The following GARNL3 variants were observed in gnomAD, a reference collection of about 807,000 sequenced individuals.
The protein encoded by GARNL3 is GTPase activating Rap/RanGAP domain like 3.
GARNL3 carries 63 observed loss-of-function variants against 125.0 expected under a neutral mutation model. That is an observed-to-expected ratio of 0.50 (90% confidence interval 0.41 to 0.62). The LOEUF is 0.62. Ranked by LOEUF, GARNL3 falls within the 20% of genes least tolerant of loss-of-function variation. The pLI is 0.00. For missense variants in GARNL3, 994 were observed against 1,244.0 expected (o/e 0.80, Z 3.02); for synonymous variants, 439 against 457.5 (o/e 0.96, Z 0.52).
In GARNL3 at chr9:127,393,266, C is replaced by A. The variant is rs1398425883; in HGVS notation, c.*12C>A. 6.3e-7 allele frequency: 1 copy of A among 1,593,070 alleles called. No individual in the cohort carries two copies. Among genetic ancestry groups the A allele is most frequent in the South Asian group, 1.1e-5 (1 of 90,560 alleles). On this transcript the variant is annotated 3_prime_UTR_variant, in exon 28 of 28. Coordinates refer to ENST00000373387, the MANE Select transcript of GARNL3 (RefSeq NM_032293.5). ...TAGACTTGAAGTAACAGAGTTGAAT[C>A]TCATTTGCCATCTTTAGTTTTCTTA...
intron 9 of GARNL3, among the ~76,000 whole-genome samples, chr9:127,334,111 G>C (rs1829417818): frequency 6.6e-6 from 1 of 152,166 alleles, no homozygotes; most frequent in African/African-American, 2.4e-5. Flanking sequence ...TTTCTGCCCT[G>C]GGTAGCTGGG....
Position 127,265,031 on chromosome 9 carries a change from T to C in GARNL3, c.144+10T>C, listed in dbSNP as rs370818986. The C allele has an allele frequency of 2.9e-5, 47 of 1,610,780 alleles. No individual in the cohort carries two copies. Among genetic ancestry groups the C allele is most frequent in the Non-Finnish European group, 3.9e-5 (46 of 1,178,096 alleles). The stretch of plus-strand genomic sequence containing the variant: ...TGGATCTGTGGAGCTGGTAAGTTTA[T>C]GCTGTCTGTTCAGTGGTAGTACATT... On this transcript the variant is annotated intron_variant, in intron 1 of 27. Transcript: ENST00000373387.
intron 17 of GARNL3, among the ~76,000 whole-genome samples, chr9:127,349,339 C>G (rs113638611): frequency 6.6e-6 from 1 of 151,846 alleles, no homozygotes. Flanking sequence ...ATCACTCCAA[C>G]ATTTTACTTT....
intron 7 of GARNL3, among the ~76,000 whole-genome samples, chr9:127,331,889 C>T (rs1829280301): frequency 6.6e-6 from 1 of 151,920 alleles, no homozygotes; most frequent in African/African-American, 2.4e-5. Flanking sequence ...TTACAACGAA[C>T]TCTTCTTCGC....
chr9:127,298,623 A>G (rs557707014), intron 2 of GARNL3, among the ~76,000 whole-genome samples: 24 of 152,322 alleles, frequency 1.6e-4, no homozygotes, highest in Non-Finnish European at 2.9e-4. Flanking sequence ...TAATATTGTA[A>G]TGAACACCTT....
At chr9:127,335,173 G>A in intron 9 of GARNL3, 57 bp from the exon 10 acceptor site, 1 of 1,177,640 alleles carries the variant, frequency 8.5e-7, no homozygotes, top group Non-Finnish European at 1.3e-6. Context: ...AAATGAAAAT[G>A]CTTTCCTTTT....
chr9:127,371,726 CATA>C (rs747982451), intron 22 of GARNL3, among the ~76,000 whole-genome samples: 2 of 152,092 alleles, frequency 1.3e-5, no homozygotes, highest in African/African-American at 2.4e-5. Context: ...AAGTGAGTCA[CATA>C]ATAACATATC....
Position 127,355,350 on chromosome 9 carries a change from G to A in GARNL3, c.1813G>A (p.Val605Ile), listed in dbSNP as rs1830632180. 1.2e-6 allele frequency: 2 copies of A among 1,614,210 alleles called. No individual in the cohort carries two copies. Among genetic ancestry groups the A allele is most frequent in the Non-Finnish European group, 8.5e-7 (1 of 1,180,034 alleles). Residue 605 changes from valine (V) to isoleucine (I), a missense_variant, in exon 20 of 28, where the codon GTT becomes ATT. This residue lies in a region of GARNL3 where 728 missense variants were observed against 865.7 expected (regional missense o/e 0.84). Coordinates refer to ENST00000373387, the MANE Select transcript of GARNL3 (RefSeq NM_032293.5). Reference protein sequence around the residue: ...THHSRELRIVVAIRNKLLLIT... With the variant: ...THHSRELRIVIAIRNKLLLIT... The stretch of plus-strand genomic sequence containing the variant: ...CCACAGCAGAGAGCTGAGGATTGTG[G>A]TTGCAATTCGGAATAAACTGCTTCT...
chr9:127,393,041 G>A lies in GARNL3; in HGVS notation c.2871-42G>A, dbSNP rs759130607. The A allele has an allele frequency of 2.0e-6, 3 of 1,512,360 alleles. No homozygotes were observed. In the Admixed American group the frequency reaches 5.7e-5, roughly 29 times the overall value. 93.7% of individuals were successfully genotyped at this position (1,512,360 alleles called of 1,614,324 possible). On this transcript the variant is annotated intron_variant, in intron 27 of 27. Coordinates refer to ENST00000373387, the MANE Select transcript of GARNL3 (RefSeq NM_032293.5). ...CAGAAAAAAATAGGCCCAGTTCTGT[G>A]GTACTCCCAAAGATCCTCTTACAGT... is the stretch of plus-strand genomic sequence containing the variant.
At chr9:127,358,049 CT>C in intron 21 of GARNL3, among the ~76,000 whole-genome samples, 1 of 152,312 alleles carries the variant, frequency 6.6e-6, no homozygotes, top group South Asian at 2.1e-4. Flanking sequence ...GTCTACACCC[CT>C]GGCCTGATGC....
intron 7 of GARNL3, among the ~76,000 whole-genome samples, chr9:127,328,138 G>C (rs937519955): frequency 1.3e-5 from 2 of 152,126 alleles, no homozygotes; most frequent in East Asian, 3.8e-4. Flanking sequence ...ACTGTTCATT[G>C]CATCCTCCTC....
chr9:127,311,701 C>T lies in GARNL3; in HGVS notation c.285C>T (p.His95=). ...TDVHLENPEY[H]TRWYFKYFLG... is the part of the protein sequence containing the mutation. The stretch of plus-strand genomic sequence containing the variant: ...TGCACTTAGAGAACCCAGAATACCA[C>T]ACCAGATGGTATTTCAAATATTTTT... The change falls in exon 3 of 28, where the codon CAC becomes CAT. Residue 95 remains histidine, a synonymous_variant. Coordinates refer to ENST00000373387, the MANE Select transcript of GARNL3 (RefSeq NM_032293.5). 6.2e-7 allele frequency: 1 copy of T among 1,612,380 alleles called. No homozygotes were observed.
Position 127,242,192 on chromosome 9 carries a change from G to A in GARNL3, c.-28-887G>A, listed in dbSNP as rs971403225. Among the ~76,000 whole-genome samples, 4 of 151,870 alleles carry A rather than the reference G, an allele frequency of 2.6e-5. No individual in the cohort carries two copies. Among genetic ancestry groups the A allele is most frequent in the Non-Finnish European group, 4.4e-5 (3 of 67,994 alleles). On this transcript the variant is annotated intron_variant, in intron 1 of 10. Coordinates refer to the GARNL3 transcript ENST00000439286. This position sits in a 1 kb window ranked among gnomAD's most constrained non-coding sequence, Gnocchi z 4.6. ...TTCTTTCTTTTTTAAATTCACTCGC[G>A]ACTCCAGCCAGAGATGTCACGTTTC...
In GARNL3 at chr9:127,266,012, C is replaced by G. The variant is rs2063697596; in HGVS notation, c.144+991C>G. On this transcript the variant is annotated intron_variant, in intron 1 of 27. Coordinates refer to ENST00000373387, the MANE Select transcript of GARNL3 (RefSeq NM_032293.5). The surrounding 1 kb of genome is among the most constrained non-coding windows in gnomAD (Gnocchi z 4.0). ...TCCTTGTTCTTAAGGAGCTTACTGT[C>G]CTCTGGCTGGGCAGATAAGACACAT... Among the ~76,000 whole-genome samples the G allele has an allele frequency of 6.6e-6, 1 of 152,180 alleles. No individual in the cohort carries two copies.
chr9:127,241,746 GTTTT>G (rs1040168495), intron 1 of GARNL3, among the ~76,000 whole-genome samples: 3 of 141,082 alleles, frequency 2.1e-5, no homozygotes, highest in African/African-American at 6.5e-5. Context: ...CTTTTTTGAG[GTTTT>G]TTGTTTGTTT....
At chr9:127,279,365 T>C (rs1276655309) in intron 1 of GARNL3, among the ~76,000 whole-genome samples, 1 of 152,212 alleles carries the variant, frequency 6.6e-6, no homozygotes, top group Non-Finnish European at 1.5e-5. Context: ...GCTTGTTTTT[T>C]CCCCTAAAAT....
At chr9:127,309,033 A>T (rs2065028091) in intron 2 of GARNL3, among the ~76,000 whole-genome samples, 1 of 152,228 alleles carries the variant, frequency 6.6e-6, no homozygotes, top group African/African-American at 2.4e-5. Context: ...TTTCCAAATA[A>T]AAATTCATAT....
intron 1 of GARNL3, among the ~76,000 whole-genome samples, chr9:127,281,081 CGAG>C (rs1297091049): frequency 6.6e-6 from 1 of 151,894 alleles, no homozygotes; most frequent in Non-Finnish European, 1.5e-5. Flanking sequence ...CTTGGTGGCA[CGAG>C]GAGGAGTGAG....
upstream of GARNL3, among the ~76,000 whole-genome samples, chr9:127,258,665 G>C (rs543324860): frequency 6.6e-6 from 1 of 152,234 alleles, no homozygotes; most frequent in Middle Eastern, 3.4e-3. Flanking sequence ...AGAAATTAAT[G>C]TCATCGCATC....
Sources: gnomAD v4.1 joint callset for allele counts (sites outside exome capture counted in the v4.1 genomes callset) on GRCh38, gnomAD v4.1.1 for gene constraint, gnomAD v4.1.1 regional missense constraint, Gnocchi (gnomAD v3.1) non-coding constraint, MANE v1.5 for transcripts, NCBI Gene and HGNC (gene_info 2026-07-23, HGNC 2026-07-21) for gene names.